Variants in AGMO observed in about 807,000 individuals in gnomAD.
The protein encoded by AGMO is alkylglycerol monooxygenase.
In AGMO, 75 loss-of-function variants were observed where a neutral mutation model predicts 60.2. The observed-to-expected ratio is 1.25, with a 90% confidence interval of 1.03 to 1.51. The LOEUF (loss-of-function observed/expected upper bound fraction) is 1.51. AGMO is among the 40% of genes most tolerant of loss of function. AGMO has a pLI of 0.00. For missense variants in AGMO, 763 were observed against 525.5 expected, an observed-to-expected ratio of 1.45 and a Z score of -4.42; for synonymous variants, 261 against 177.1, an observed-to-expected ratio of 1.47 and a Z score of -3.76.
chr7:15,328,102 TTTC>T (rs1337508872), intron 12 of AGMO, among the ~76,000 whole-genome samples: 1 of 151,042 alleles, frequency 6.6e-6, no homozygotes, highest in African/African-American at 2.4e-5. Flanking sequence ...CCTTCCTTCT[TTTC>T]TTTTTTATTT....
chr7:15,291,160 T>C (rs376700352), intron 12 of AGMO, among the ~76,000 whole-genome samples: 6 of 152,322 alleles, frequency 3.9e-5, no homozygotes, highest in African/African-American at 1.2e-4. Context: ...ATTACGTTTC[T>C]TATGGCATGT....
At chr7:15,172,675 T>C in the AGMO span, among the ~76,000 whole-genome samples, 1 of 152,146 alleles carries the variant, frequency 6.6e-6, no homozygotes, top group Non-Finnish European at 1.5e-5. Flanking sequence ...TTTTGAGGGC[T>C]CAGCAATTAA....
At chr7:15,366,033 TA>T (rs1782963271) in intron 11 of AGMO, 106 bp downstream of exon 11, 2 of 777,520 alleles carry the variant, frequency 2.6e-6, no homozygotes, top group Non-Finnish European at 4.0e-6. Flanking sequence ...ATTTTATATT[TA>T]TTTTTAAAAC....
chr7:15,549,113 T>A lies in AGMO; in HGVS notation c.258-4190A>T, dbSNP rs568791229. 3.1e-3 allele frequency among the ~76,000 whole-genome samples: 457 copies of A among 148,278 alleles called. 1 individual carries two copies. Among genetic ancestry groups the A allele is most frequent in the African/African-American group, 0.011 (436 of 39,534 alleles). ...ATAAAATACTTTACAGACAAGCAAA[T>A]GCTGAGAGATTTTGTCACCACCAGG... On this transcript the variant is annotated intron_variant, in intron 2 of 12. Transcript: ENST00000342526.
intron 12 of AGMO, among the ~76,000 whole-genome samples, chr7:15,298,907 C>G (rs938707138): frequency 1.3e-5 from 2 of 152,086 alleles, no homozygotes; most frequent in African/African-American, 4.8e-5. Flanking sequence ...CTCTTTGTCT[C>G]GCTCACAGTC....
the AGMO span, among the ~76,000 whole-genome samples, chr7:15,181,901 T>C: frequency 1.3e-5 from 2 of 152,130 alleles, no homozygotes; most frequent in African/African-American, 4.8e-5. Context: ...ATATGAAACA[T>C]ATATTGTGCA....
At chr7:15,463,042 C>A (rs181712109) in intron 3 of AGMO, among the ~76,000 whole-genome samples, 1 of 152,028 alleles carries the variant, frequency 6.6e-6, no homozygotes, top group African/African-American at 2.4e-5. Flanking sequence ...ATAAGATTAT[C>A]GAGAGTGGAT....
intron 5 of AGMO, among the ~76,000 whole-genome samples, chr7:15,403,732 G>C (rs1227573701): frequency 6.6e-6 from 1 of 151,834 alleles, no homozygotes; most frequent in Non-Finnish European, 1.5e-5. Flanking sequence ...AATGTTTATG[G>C]ATACATTTAT....
intron 3 of AGMO, among the ~76,000 whole-genome samples, chr7:15,453,194 A>C (rs1781899283): frequency 6.6e-6 from 1 of 152,226 alleles, no homozygotes; most frequent in Non-Finnish European, 1.5e-5. Flanking sequence ...ACTGAATGGC[A>C]CAGTTTAAGA....
intron 12 of AGMO, among the ~76,000 whole-genome samples, chr7:15,218,718 G>A (rs921619860): frequency 6.6e-6 from 1 of 152,060 alleles, no homozygotes; most frequent in Non-Finnish European, 1.5e-5. Context: ...CAGAATACAG[G>A]TGATATTCCT....
intron 12 of AGMO, among the ~76,000 whole-genome samples, chr7:15,359,498 CAA>C (rs1316191791): frequency 1.3e-5 from 2 of 151,942 alleles, no homozygotes; most frequent in Non-Finnish European, 2.9e-5. Context: ...TGAGAAGAGT[CAA>C]AGTGGCCTAC....
intron 9 of AGMO, 106 bp downstream of exon 9, chr7:15,387,300 A>T (rs922179490): frequency 6.2e-6 from 8 of 1,296,264 alleles, no homozygotes; most frequent in Non-Finnish European, 8.5e-6. Flanking sequence ...GACTGGGGGA[A>T]CATCTTTTTA....
chr7:15,131,220 T>C, the AGMO span, among the ~76,000 whole-genome samples: 253 of 152,314 alleles, frequency 1.7e-3, no homozygotes, highest in Non-Finnish European at 2.9e-3. Flanking sequence ...GTTTTCATCA[T>C]TGACGAATAA....
chr7:15,503,011 C>G (rs1173721786), intron 3 of AGMO, among the ~76,000 whole-genome samples: 1 of 152,044 alleles, frequency 6.6e-6, no homozygotes, highest in African/African-American at 2.4e-5. Flanking sequence ...TCAAGGCCAC[C>G]ATTACTGGTG....
At chr7:15,165,612 C>G in the AGMO span, among the ~76,000 whole-genome samples, 1 of 152,088 alleles carries the variant, frequency 6.6e-6, no homozygotes, top group Admixed American at 6.5e-5. Context: ...TTTTAAATAA[C>G]TTACCCAGAT....
chr7:15,411,486 T>G (rs1220569888), intron 5 of AGMO, among the ~76,000 whole-genome samples: 2 of 151,996 alleles, frequency 1.3e-5, no homozygotes, highest in African/African-American at 4.8e-5. Flanking sequence ...TTTACATTAA[T>G]GAAATGATTT....
the AGMO span, among the ~76,000 whole-genome samples, chr7:15,190,735 G>GA: frequency 6.6e-6 from 1 of 151,968 alleles, no homozygotes; most frequent in African/African-American, 2.4e-5. Flanking sequence ...GATCAAAACA[G>GA]AAAGAGTTTT....
chr7:15,307,066 T>C (rs1182450375), intron 12 of AGMO, among the ~76,000 whole-genome samples: 1 of 152,080 alleles, frequency 6.6e-6, no homozygotes, highest in African/African-American at 2.4e-5. Flanking sequence ...TAAGTTTCCA[T>C]TTGTAATTTT....
chr7:15,149,784 T>G, the AGMO span, among the ~76,000 whole-genome samples: 1 of 152,250 alleles, frequency 6.6e-6, no homozygotes, highest in African/African-American at 2.4e-5. Flanking sequence ...TAGGACTGCT[T>G]TGGCTATTTG....
Sources: allele counts gnomAD v4.1 joint callset (sites outside exome capture counted in the v4.1 genomes callset), GRCh38; gene constraint gnomAD v4.1.1; transcripts MANE v1.5; gene names NCBI Gene and HGNC (gene_info 2026-07-23, HGNC 2026-07-21).